DPP10: variants seen among roughly 807,000 people sequenced by gnomAD.
DPP10 encodes dipeptidyl peptidase like 10, also known as inactive dipeptidyl peptidase 10.
A neutral mutation model predicts 120.9 loss-of-function variants in DPP10; 33 were observed. The observed-to-expected ratio is 0.27, with a 90% confidence interval of 0.21 to 0.37. DPP10 has a LOEUF of 0.37. DPP10 is among the 10% of genes least tolerant of loss of function. DPP10 has a pLI of 1.00. For synonymous variants in DPP10, 337 were observed against 326.1 expected (o/e 1.03, Z -0.36); for missense variants, 816 against 942.8 (o/e 0.87, Z 1.76).
At chr2:115,173,127 G>A (rs570057287) in intron 1 of DPP10, among the ~76,000 whole-genome samples, 6 of 152,030 alleles carry the variant, frequency 3.9e-5, no homozygotes, top group South Asian at 2.1e-4. Flanking sequence ...GTTAAATTCC[G>A]TCTCATGCTT....
chr2:115,401,057 T>G (rs2068037044), intron 3 of DPP10, among the ~76,000 whole-genome samples: 1 of 152,140 alleles, frequency 6.6e-6, no homozygotes, highest in Non-Finnish European at 1.5e-5. Flanking sequence ...CAAGAGATTC[T>G]GAAAATGAGC....
chr2:115,118,890 C>T (rs552771283), intron 1 of DPP10, among the ~76,000 whole-genome samples: 1 of 152,016 alleles, frequency 6.6e-6, no homozygotes, highest in Non-Finnish European at 1.5e-5. Flanking sequence ...GCTGGAGTTA[C>T]AGGTGTGAGC....
intron 3 of DPP10, among the ~76,000 whole-genome samples, chr2:115,381,445 T>C (rs992126947): frequency 1.3e-5 from 2 of 152,188 alleles, no homozygotes; most frequent in Non-Finnish European, 2.9e-5. Context: ...ATTCTAGTTA[T>C]ACATTCTTCT....
At chr2:115,431,097 A>G (rs942195152) in intron 3 of DPP10, among the ~76,000 whole-genome samples, 1 of 152,254 alleles carries the variant, frequency 6.6e-6, no homozygotes, top group Non-Finnish European at 1.5e-5. Context: ...GTTATTATTC[A>G]TGACAGTGCC....
chr2:115,783,114 T>C (rs1682959824), intron 17 of DPP10, among the ~76,000 whole-genome samples: 1 of 152,134 alleles, frequency 6.6e-6, no homozygotes, highest in Non-Finnish European at 1.5e-5. Flanking sequence ...TAATCAATGC[T>C]TCTATTCTGT....
chr2:114,818,473 G>A (rs2106347676), intron 1 of DPP10, among the ~76,000 whole-genome samples: 1 of 152,296 alleles, frequency 6.6e-6, no homozygotes, highest in Non-Finnish European at 1.5e-5. Flanking sequence ...CCACCAAGTG[G>A]CTGCACGAAA....
intron 7 of DPP10, among the ~76,000 whole-genome samples, chr2:115,692,552 C>G (rs1184311119): frequency 6.6e-6 from 1 of 151,780 alleles, no homozygotes; most frequent in Non-Finnish European, 1.5e-5. Flanking sequence ...ATATATTTAC[C>G]TTATTTACCT....
chr2:115,731,741 C>T (rs1299863809), intron 8 of DPP10, among the ~76,000 whole-genome samples: 1 of 152,182 alleles, frequency 6.6e-6, no homozygotes, highest in East Asian at 1.9e-4. Flanking sequence ...AATTGTCAGA[C>T]TTCAGTGATC....
chr2:115,416,200 T>C (rs927891726), intron 3 of DPP10, among the ~76,000 whole-genome samples: 10 of 152,120 alleles, frequency 6.6e-5, no homozygotes, highest in Admixed American at 2.0e-4. Context: ...GCAGACATTT[T>C]TCTTAGCCAA....
chr2:115,659,032 A>T (rs1471116325), intron 5 of DPP10, among the ~76,000 whole-genome samples: 1 of 152,154 alleles, frequency 6.6e-6, no homozygotes, highest in Non-Finnish European at 1.5e-5. Flanking sequence ...GCCCTCATGA[A>T]TGGCAGGATT....
intron 1 of DPP10, among the ~76,000 whole-genome samples, chr2:114,464,779 C>T (rs1282085426): frequency 2.6e-5 from 4 of 152,132 alleles, no homozygotes; most frequent in African/African-American, 9.7e-5. Flanking sequence ...GCGGGAGAAT[C>T]GCTTGAACCC....
intron 5 of DPP10, among the ~76,000 whole-genome samples, chr2:115,580,423 T>G (rs571846247): frequency 1.3e-5 from 2 of 152,306 alleles, no homozygotes; most frequent in African/African-American, 4.8e-5. Context: ...CTGTTTTTAT[T>G]GAGCACTTGT....
chr2:115,013,764 T>A (rs1434973753), intron 1 of DPP10, among the ~76,000 whole-genome samples: 1 of 149,652 alleles, frequency 6.7e-6, no homozygotes, highest in African/African-American at 2.5e-5. Context: ...TATTACATAA[T>A]GGATCGATGC....
chr2:115,243,270 A>ATTAGG (rs2058372325), intron 1 of DPP10, among the ~76,000 whole-genome samples: 1 of 152,114 alleles, frequency 6.6e-6, no homozygotes, highest in South Asian at 2.1e-4. Flanking sequence ...TTGTTTAGGT[A>ATTAGG]TTAGGGTGAT....
intron 1 of DPP10, among the ~76,000 whole-genome samples, chr2:114,778,550 G>A (rs763033508): frequency 6.6e-6 from 1 of 151,976 alleles, no homozygotes; most frequent in Non-Finnish European, 1.5e-5. Flanking sequence ...AGAGTTCCAG[G>A]CTTCATCCAT....
intron 3 of DPP10, among the ~76,000 whole-genome samples, chr2:115,425,476 T>G (rs939659571): frequency 2.0e-5 from 3 of 152,310 alleles, no homozygotes; most frequent in Non-Finnish European, 4.4e-5. Context: ...TCTAGTAACC[T>G]AGCCTTCAAA....
intron 1 of DPP10, among the ~76,000 whole-genome samples, chr2:114,885,434 C>T (rs1321806993): frequency 6.6e-6 from 1 of 152,214 alleles, no homozygotes; most frequent in Non-Finnish European, 1.5e-5. Context: ...TACAATTCAA[C>T]ATGAGACTTG....
At chr2:114,828,785 G>A (rs1329521343) in intron 1 of DPP10, 2 of 152,264 alleles carry the variant, frequency 1.3e-5, no homozygotes, top group Admixed American at 6.5e-5. Flanking sequence ...AGGTGCACAT[G>A]CACTGGGATG....
chr2:114,792,990 T>TTGTGTGTGTGTG lies in DPP10; in HGVS notation c.60+350182_60+350193dup, dbSNP rs55780807. Reference sequence around the variant, plus strand: ...GTGGACCACCAAGGCAACTGTATTATTGTGTGTGTGTGTGTGTGTGTGTGT... The same window carrying TTGTGTGTGTGTG: ...GTGGACCACCAAGGCAACTGTATTATTGTGTGTGTGTGTGTGTGTGTGTGTGTGTGTGTGTGT... On this transcript the variant is annotated intron_variant, in intron 1 of 25. Coordinates refer to ENST00000410059, the MANE Select transcript of DPP10 (RefSeq NM_020868.6). Among the ~76,000 whole-genome samples the TTGTGTGTGTGTG allele has an allele frequency of 3.9e-3, 554 of 143,710 alleles. 4 individuals are homozygous for TTGTGTGTGTGTG. Among genetic ancestry groups the TTGTGTGTGTGTG allele is most frequent in the African/African-American group, 0.014 (520 of 38,162 alleles). 94.3% of individuals were successfully genotyped at this position (143,710 alleles called of 152,430 possible).
Sources: allele counts gnomAD v4.1 joint callset (sites outside exome capture counted in the v4.1 genomes callset), GRCh38; gene constraint gnomAD v4.1.1; transcripts MANE v1.5; gene names NCBI Gene and HGNC (gene_info 2026-07-23, HGNC 2026-07-21).